Variants in COL14A1 observed in about 807,000 individuals in gnomAD.
The protein encoded by COL14A1 is collagen alpha-1(XIV) chain.
COL14A1 carries 136 observed loss-of-function variants against 230.3 expected under a neutral mutation model. The observed-to-expected ratio is 0.59, with a 90% confidence interval of 0.51 to 0.68. The LOEUF is 0.68. Among genes scored for constraint, COL14A1 ranks in the 30% least tolerant of loss-of-function variants. COL14A1 has a pLI of 0.00. For missense variants in COL14A1, 1,976 were observed against 2,215.8 expected (o/e 0.89, Z 2.17); for synonymous variants, 792 against 784.1 (o/e 1.01, Z -0.17).
At chr8:120,320,991 T>A (rs1313878739) in intron 40 of COL14A1, among the ~76,000 whole-genome samples, 2 of 152,216 alleles carry the variant, frequency 1.3e-5, no homozygotes, top group Non-Finnish European at 2.9e-5. Flanking sequence ...ACACAGCTAG[T>A]AAGTGTTAGA....
chr8:120,222,111 C>T (rs1817951170), intron 14 of COL14A1, among the ~76,000 whole-genome samples: 1 of 152,120 alleles, frequency 6.6e-6, no homozygotes, highest in African/African-American at 2.4e-5. Flanking sequence ...AGCTGTTTTC[C>T]CCTTGGGCAA....
At chr8:120,299,049 C>T (rs1180390655) in intron 35 of COL14A1, among the ~76,000 whole-genome samples, 1 of 151,862 alleles carries the variant, frequency 6.6e-6, no homozygotes, top group Non-Finnish European at 1.5e-5. Context: ...ACAAGAACAG[C>T]ATGGAGGTAA....
chr8:120,332,465 C>T (rs1294404670), intron 41 of COL14A1, among the ~76,000 whole-genome samples, 199 bp from the exon 42 acceptor site: 2 of 152,112 alleles, frequency 1.3e-5, no homozygotes, highest in Non-Finnish European at 1.5e-5. Flanking sequence ...TTTGAAAGAA[C>T]CACACCTGAT....
In COL14A1 at chr8:120,372,116, A is replaced by T. The variant is rs1431371436; in HGVS notation, c.*885A>T. Reference sequence around the variant, plus strand: ...TAACTGAGTGTCCACCAGAAAGACAACAGTTGTCTTCCTTTAGGTAAGCAT... The same window carrying T: ...TAACTGAGTGTCCACCAGAAAGACATCAGTTGTCTTCCTTTAGGTAAGCAT... On this transcript the variant is annotated 3_prime_UTR_variant, in exon 48 of 48. Transcript: ENST00000297848. The T allele has an allele frequency of 6.5e-6, 1 of 152,788 alleles. No individual in the cohort carries two copies. The highest frequency in any genetic ancestry group is 2.4e-5 in the African/African-American group (1 of 41,504). 9.5% of individuals were successfully genotyped at this position (152,788 alleles called of 1,614,324 possible).
intron 13 of COL14A1, among the ~76,000 whole-genome samples, chr8:120,215,942 A>C (rs1300871214): frequency 6.6e-6 from 1 of 152,216 alleles, no homozygotes; most frequent in Non-Finnish European, 1.5e-5. Context: ...CTCATTTTAC[A>C]TGTGGAAAAT....
In COL14A1 at chr8:120,158,170, T is replaced by C. The variant is rs757342098; in HGVS notation, c.129T>C (p.His43=). Residue 43 remains histidine (H), a synonymous_variant, in exon 3 of 48, where the codon CAT becomes CAC. Coordinates refer to ENST00000297848, the MANE Select transcript of COL14A1 (RefSeq NM_021110.4). ...GGTTAAGATATAATGTAATATCTCATGACAGTATACAGATTTCATGGAAGG... is the reference window on the plus strand; with the variant it reads ...GGTTAAGATATAATGTAATATCTCACGACAGTATACAGATTTCATGGAAGG... ...PTRLRYNVIS[H]DSIQISWKAP... The C allele has an allele frequency of 6.2e-7, 1 of 1,608,912 alleles. No homozygotes were observed. The highest frequency in any genetic ancestry group is 8.5e-7 in the Non-Finnish European group (1 of 1,177,150).
chr8:120,366,801 C>T (rs549338566), intron 45 of COL14A1, among the ~76,000 whole-genome samples: 1 of 152,292 alleles, frequency 6.6e-6, no homozygotes, highest in South Asian at 2.1e-4. Flanking sequence ...AAATGTTAGA[C>T]GTGTTCACTT....
chr8:120,213,967 A>G (rs1182900756), intron 13 of COL14A1: 2 of 416,770 alleles, frequency 4.8e-6, no homozygotes, highest in African/African-American at 4.2e-5. Context: ...ACTAACTCCT[A>G]CAAGATCTTT....
At chr8:120,342,823 A>G (rs1330379552) in intron 44 of COL14A1, among the ~76,000 whole-genome samples, 4 of 152,308 alleles carry the variant, frequency 2.6e-5, no homozygotes, top group African/African-American at 4.8e-5. Context: ...GCTGCCTCAG[A>G]AAGACAATTT....
chr8:120,291,432 G>C (rs569739415), intron 34 of COL14A1, among the ~76,000 whole-genome samples: 1 of 151,508 alleles, frequency 6.6e-6, no homozygotes, highest in East Asian at 1.9e-4. Flanking sequence ...GTGGTGGCAC[G>C]CACCTGTAGC....
At position 120,345,453 on chromosome 8, in the gene COL14A1, C is replaced by T; in HGVS notation, c.4967C>T (p.Pro1656Leu). 6.2e-7 allele frequency: 1 copy of T among 1,603,350 alleles called. No homozygotes were observed. Among genetic ancestry groups the T allele is most frequent in the Non-Finnish European group, 8.5e-7 (1 of 1,175,130 alleles). ...TCCATCCGGACTGTCCAAGGGCCTC[C>T]TGGGGAGCCTGGGAGGCCAGGCTCA... ...SSSIRTVQGP[P>L]GEPGRPGSPG... The change falls in exon 45 of 48, where the codon CCT (proline) becomes CTT (leucine). Residue 1656 changes from proline to leucine, a missense_variant. Pro to Leu is a moderately conservative substitution (Grantham distance 98). Around this residue, in one of 3 missense-constraint regions of COL14A1, gnomAD observed 1,791 missense variants for 2,019.5 expected, o/e 0.89. Transcript: ENST00000297848.
intron 19 of COL14A1, chr8:120,232,210 T>G (rs1198861676): frequency 6.6e-6 from 1 of 152,246 alleles, no homozygotes; most frequent in Non-Finnish European, 1.5e-5. Flanking sequence ...TTGAGTTTTC[T>G]TTGAGTTGTT....
chr8:120,290,483 T>C (rs1174004490), intron 34 of COL14A1, among the ~76,000 whole-genome samples: 2 of 152,224 alleles, frequency 1.3e-5, no homozygotes, highest in Non-Finnish European at 2.9e-5. Flanking sequence ...TGAGTCATTC[T>C]ATAGTGAGGC....
At chr8:120,174,412 G>A (rs775006931) in intron 5 of COL14A1, among the ~76,000 whole-genome samples, 6 of 152,062 alleles carry the variant, frequency 3.9e-5, no homozygotes, top group South Asian at 2.1e-4. Flanking sequence ...TTCCCCTAAC[G>A]CACCTTCCTC....
At chr8:120,354,803 G>C (rs569635348) in intron 45 of COL14A1, among the ~76,000 whole-genome samples, 1 of 152,182 alleles carries the variant, frequency 6.6e-6, no homozygotes, top group African/African-American at 2.4e-5. Flanking sequence ...CTAATTATTG[G>C]CACTTAGCAT....
chr8:120,348,525 C>G (rs1822618497), intron 45 of COL14A1, among the ~76,000 whole-genome samples: 1 of 151,890 alleles, frequency 6.6e-6, no homozygotes, highest in South Asian at 2.1e-4. Flanking sequence ...TTTGGGGACT[C>G]AGGGGGAAAG....
chr8:120,219,712 T>C (rs534264808), intron 14 of COL14A1, among the ~76,000 whole-genome samples: 6 of 152,308 alleles, frequency 3.9e-5, no homozygotes, highest in African/African-American at 1.2e-4. Flanking sequence ...CTATAGCTTC[T>C]TCTACTATTT....
chr8:120,129,417 GA>G (rs1814455426), intron 1 of COL14A1, among the ~76,000 whole-genome samples: 1 of 152,012 alleles, frequency 6.6e-6, no homozygotes, highest in South Asian at 2.1e-4. Flanking sequence ...TGAAGAGAGG[GA>G]AAAAAAGCCA....
In COL14A1 at chr8:120,289,675, C is replaced by T. The variant is rs1452379012; in HGVS notation, c.4145C>T (p.Ala1382Val). 6.2e-7 allele frequency: 1 copy of T among 1,614,002 alleles called. No homozygotes were observed. The highest frequency in any genetic ancestry group is 8.5e-7 in the Non-Finnish European group (1 of 1,179,946). ...GACTGCAAGCAAGTGGGTGAGAAGG[C>T]AATGAACGCATCAGCTAATATCACG... ...VIDCKQVGEK[A>V]MNASANITSD... Residue 1382 changes from alanine (A) to valine (V), a missense_variant, in exon 34 of 48, where the codon GCA becomes GTA. This residue lies in a region of COL14A1 where 1,791 missense variants were observed against 2,019.5 expected (regional missense o/e 0.89). Coordinates refer to ENST00000297848, the MANE Select transcript of COL14A1 (RefSeq NM_021110.4).
Sources: allele counts gnomAD v4.1 joint callset (sites outside exome capture counted in the v4.1 genomes callset), GRCh38; gene constraint gnomAD v4.1.1; regional missense constraint gnomAD v4.1.1; transcripts MANE v1.5; gene names NCBI Gene and HGNC (gene_info 2026-07-23, HGNC 2026-07-21).